Variants in KCNQ3 observed in about 807,000 individuals in gnomAD.
KCNQ3 encodes potassium voltage-gated channel subfamily KQT member 3.
In KCNQ3, 30 loss-of-function variants were observed where a neutral mutation model predicts 92.5. The ratio of observed to expected loss-of-function variants is 0.32; its 90% confidence interval spans 0.24 to 0.44. KCNQ3 has a LOEUF of 0.44. Among genes scored for constraint, KCNQ3 ranks in the 20% least tolerant of loss-of-function variants. The probability of loss-of-function intolerance (pLI) is 1.00; values close to 1 mark genes in which losing one functional copy is unlikely to be tolerated. For missense variants in KCNQ3, 913 were observed against 1,140.3 expected, an observed-to-expected ratio of 0.80 and a Z score of 2.87; for synonymous variants, 450 against 468.8, an observed-to-expected ratio of 0.96 and a Z score of 0.52.
chr8:132,386,728 A>T (rs1819900918), intron 1 of KCNQ3, among the ~76,000 whole-genome samples: 1 of 152,162 alleles, frequency 6.6e-6, no homozygotes, highest in East Asian at 1.9e-4. Flanking sequence ...TAAGGTGATC[A>T]TATAATTTTT....
At chr8:132,267,964 T>C (rs1178098406) in intron 1 of KCNQ3, among the ~76,000 whole-genome samples, 1 of 152,220 alleles carries the variant, frequency 6.6e-6, no homozygotes, top group Non-Finnish European at 1.5e-5. Context: ...TAGTTCACAT[T>C]AGGGTTCACT....
intron 1 of KCNQ3, among the ~76,000 whole-genome samples, chr8:132,296,712 C>T (rs1473796861): frequency 2.6e-5 from 4 of 152,182 alleles, no homozygotes; most frequent in Non-Finnish European, 5.9e-5. Context: ...CTAAAAAGGA[C>T]ATGAACTCTT....
chr8:132,345,834 C>CTGATAATGATGA (rs1462537683), intron 1 of KCNQ3, among the ~76,000 whole-genome samples: 1 of 151,490 alleles, frequency 6.6e-6, no homozygotes, highest in Admixed American at 6.6e-5. Context: ...AGGATGATGA[C>CTGATAATGATGA]TGATAATGAT....
At chr8:132,478,408 C>T (rs776585759) in intron 1 of KCNQ3, among the ~76,000 whole-genome samples, 3 of 152,168 alleles carry the variant, frequency 2.0e-5, no homozygotes, top group African/African-American at 7.2e-5. Context: ...TGAAAGGACA[C>T]GTGAATCATT....
chr8:132,342,040 A>G (rs1398733217), intron 1 of KCNQ3, among the ~76,000 whole-genome samples: 3 of 152,122 alleles, frequency 2.0e-5, no homozygotes, highest in Non-Finnish European at 4.4e-5. Flanking sequence ...GTAACCTCTT[A>G]GTTCCACTGG....
At chr8:132,455,400 C>A (rs541044405) in intron 1 of KCNQ3, among the ~76,000 whole-genome samples, 1 of 152,212 alleles carries the variant, frequency 6.6e-6, no homozygotes, top group Non-Finnish European at 1.5e-5. Context: ...AGCCACTGCA[C>A]CTGGCCATTA....
At chr8:132,392,790 C>CAAAAAAAAAAAAAAAAAA (rs56183412) in intron 1 of KCNQ3, among the ~76,000 whole-genome samples, 5 of 72,638 alleles carry the variant, frequency 6.9e-5, no homozygotes, top group African/African-American at 2.1e-4. Flanking sequence ...GAACCTGTCT[C>CAAAAAAAAAAAAAAAAAA]AAAAAAAAAA....
chr8:132,151,179 G>A (rs2469524), intron 9 of KCNQ3, among the ~76,000 whole-genome samples: 81,243 of 151,934 alleles, frequency 0.53, 22,053 homozygotes, highest in African/African-American at 0.6. Context: ...CACACCCTTA[G>A]TTATGCTGGA....
intron 1 of KCNQ3, among the ~76,000 whole-genome samples, chr8:132,290,556 T>C (rs931343948): frequency 1.3e-5 from 2 of 152,150 alleles, no homozygotes; most frequent in Admixed American, 1.3e-4. Flanking sequence ...CACAAAATTA[T>C]GTTGGCTTGA....
At chr8:132,198,716 A>C (rs1827375924) in intron 1 of KCNQ3, among the ~76,000 whole-genome samples, 1 of 152,140 alleles carries the variant, frequency 6.6e-6, no homozygotes. Context: ...CTGAGGCAGG[A>C]GAATAGCTTG....
intron 1 of KCNQ3, among the ~76,000 whole-genome samples, chr8:132,325,811 C>T (rs1818031275): frequency 6.6e-6 from 1 of 152,214 alleles, no homozygotes; most frequent in African/African-American, 2.4e-5. Flanking sequence ...CCAGCTTCTG[C>T]TCCAAGCTAT....
chr8:132,145,853 C>A (rs191969678), intron 9 of KCNQ3, among the ~76,000 whole-genome samples: 2 of 152,082 alleles, frequency 1.3e-5, no homozygotes, highest in Non-Finnish European at 2.9e-5. Context: ...GATGGTGGTC[C>A]GGAGACAGAA....
At chr8:132,310,448 C>T (rs1006062752) in intron 1 of KCNQ3, among the ~76,000 whole-genome samples, 1 of 151,912 alleles carries the variant, frequency 6.6e-6, no homozygotes, top group African/African-American at 2.4e-5. Flanking sequence ...CGGGGCAAAG[C>T]GCCCCACTGG....
intron 1 of KCNQ3, among the ~76,000 whole-genome samples, chr8:132,397,524 T>C (rs975628736): frequency 6.6e-6 from 1 of 152,186 alleles, no homozygotes; most frequent in Non-Finnish European, 1.5e-5. Context: ...TATAGGTAAG[T>C]GCTGGGTACA....
chr8:132,228,235 T>C (rs2130362490), intron 1 of KCNQ3, among the ~76,000 whole-genome samples: 1 of 152,328 alleles, frequency 6.6e-6, no homozygotes, highest in Non-Finnish European at 1.5e-5. Flanking sequence ...TGGGCCCTTT[T>C]TTTCAAGAAT....
At chr8:132,390,506 A>T (rs1371133543) in intron 1 of KCNQ3, among the ~76,000 whole-genome samples, 1 of 152,094 alleles carries the variant, frequency 6.6e-6, no homozygotes, top group Non-Finnish European at 1.5e-5. Context: ...CCTGGGCCCC[A>T]CTCCAGACCA....
intron 1 of KCNQ3, among the ~76,000 whole-genome samples, chr8:132,412,541 C>T (rs1820678485): frequency 6.6e-6 from 1 of 152,192 alleles, no homozygotes; most frequent in South Asian, 2.1e-4. Flanking sequence ...TTTGCAAATG[C>T]CACTGGCCAC....
At chr8:132,231,301 A>G (rs1814639044) in intron 1 of KCNQ3, among the ~76,000 whole-genome samples, 1 of 152,202 alleles carries the variant, frequency 6.6e-6, no homozygotes, top group Non-Finnish European at 1.5e-5. Context: ...AGCAGCCCTG[A>G]GAAAAGAATA....
chr8:132,142,938 C>T (rs1054124215), intron 9 of KCNQ3, among the ~76,000 whole-genome samples: 1 of 152,168 alleles, frequency 6.6e-6, no homozygotes, highest in African/African-American at 2.4e-5. Context: ...GGCCTAACAA[C>T]ATCTGCTTCA....
Sources: gnomAD v4.1 joint callset for allele counts (sites outside exome capture counted in the v4.1 genomes callset) on GRCh38, gnomAD v4.1.1 for gene constraint, MANE v1.5 for transcripts, NCBI Gene and HGNC (gene_info 2026-07-23, HGNC 2026-07-21) for gene names.